The following AUTS2 variants were observed in gnomAD, a reference collection of about 807,000 sequenced individuals.
The protein encoded by AUTS2 is activator of transcription and developmental regulator AUTS2.
Under a neutral mutation model 112.4 loss-of-function variants are expected in AUTS2, and 17 were observed. That is an observed-to-expected ratio of 0.15 (90% confidence interval 0.10 to 0.23). The LOEUF (loss-of-function observed/expected upper bound fraction) is 0.23, where lower values mean the gene tolerates loss of function less well. AUTS2 is among the 10% of genes least tolerant of loss of function. The probability of loss-of-function intolerance (pLI) is 1.00; values close to 1 mark genes in which losing one functional copy is unlikely to be tolerated. For synonymous variants in AUTS2, 751 were observed against 702.7 expected (o/e 1.07, Z -1.09); for missense variants, 1,510 against 1,701.6 (o/e 0.89, Z 1.98).
chr7:69,848,791 A>G (rs542495079), intron 1 of AUTS2, among the ~76,000 whole-genome samples: 2 of 152,286 alleles, frequency 1.3e-5, no homozygotes, highest in South Asian at 4.1e-4. Flanking sequence ...ATCCAGCACA[A>G]CATTCAATTG....
Position 70,034,136 on chromosome 7 carries a change from A to G in AUTS2, c.523-83996A>G, listed in dbSNP as rs147657169. The stretch of plus-strand genomic sequence containing the variant: ...TTTTTAAAAGATGGAAGACAAAAGT[A>G]AAAGATAAATGTAGATATTCTTTTA... On this transcript the variant is annotated intron_variant, in intron 2 of 18. Coordinates refer to ENST00000342771, the MANE Select transcript of AUTS2 (RefSeq NM_015570.4). Among the ~76,000 whole-genome samples the G allele has an allele frequency of 6.5e-4, 99 of 152,326 alleles. 1 individual carries two copies. In the East Asian group the frequency reaches 0.019, roughly 29 times the overall value.
intron 2 of AUTS2, among the ~76,000 whole-genome samples, chr7:69,981,418 A>G (rs1356103847): frequency 1.3e-5 from 2 of 152,192 alleles, no homozygotes; most frequent in Non-Finnish European, 2.9e-5. Context: ...TTATAAGTGA[A>G]TATGTAACTG....
intron 1 of AUTS2, among the ~76,000 whole-genome samples, chr7:69,681,195 A>T (rs1562806579): frequency 6.6e-6 from 1 of 152,220 alleles, no homozygotes; most frequent in Non-Finnish European, 1.5e-5. Context: ...GGCTATTGTG[A>T]ATTAGTGCTT....
In AUTS2 at chr7:70,675,103, C is replaced by G. The variant is rs558766923; in HGVS notation, c.691-23466C>G. Among the ~76,000 whole-genome samples the G allele has an allele frequency of 7.2e-4, 110 of 152,272 alleles. 1 individual carries two copies. The highest frequency in any genetic ancestry group is 2.2e-3 in the African/African-American group (90 of 41,556). On this transcript the variant is annotated intron_variant, in intron 5 of 18. Coordinates refer to ENST00000342771, the MANE Select transcript of AUTS2 (RefSeq NM_015570.4). Reference sequence around the variant, plus strand: ...AGTATTTCAAATTAATCCTCCCCCCCCTCAACTCCCTACCTCCAATCGTAG... The same window carrying G: ...AGTATTTCAAATTAATCCTCCCCCCGCTCAACTCCCTACCTCCAATCGTAG...
chr7:70,592,582 G>A (rs945983493), intron 5 of AUTS2, among the ~76,000 whole-genome samples: 1 of 151,896 alleles, frequency 6.6e-6, no homozygotes, highest in Non-Finnish European at 1.5e-5. Flanking sequence ...AGCTGGTCTC[G>A]AACTCCTGAC....
intron 5 of AUTS2, among the ~76,000 whole-genome samples, chr7:70,493,497 C>A (rs913299369): frequency 4.7e-4 from 72 of 152,024 alleles, no homozygotes; most frequent in Non-Finnish European, 1.5e-4. Flanking sequence ...CTGCTATATT[C>A]TATTCTGGCC....
intron 5 of AUTS2, among the ~76,000 whole-genome samples, chr7:70,506,777 T>C (rs1798980540): frequency 6.6e-6 from 1 of 152,206 alleles, no homozygotes; most frequent in Non-Finnish European, 1.5e-5. Context: ...GGCTCTGTTG[T>C]TTATTTCGGG....
At chr7:70,511,398 A>ATT (rs55716420) in intron 5 of AUTS2, among the ~76,000 whole-genome samples, 142 of 148,546 alleles carry the variant, frequency 9.6e-4, no homozygotes, top group African/African-American at 3.4e-3. Context: ...TACCTCTCTT[A>ATT]TTTTTTTTTT....
intron 4 of AUTS2, among the ~76,000 whole-genome samples, chr7:70,422,795 C>G (rs1230756568): frequency 6.6e-6 from 1 of 151,942 alleles, no homozygotes; most frequent in Non-Finnish European, 1.5e-5. Flanking sequence ...AAAATTATAC[C>G]CATCTTTTTC....
chr7:69,857,387 G>T (rs891235748), intron 1 of AUTS2, among the ~76,000 whole-genome samples: 1 of 152,176 alleles, frequency 6.6e-6, no homozygotes, highest in African/African-American at 2.4e-5. Flanking sequence ...ACAAGGAGCC[G>T]TCTTTGCTGT....
At chr7:70,669,678 T>C (rs1807535631) in intron 5 of AUTS2, among the ~76,000 whole-genome samples, 1 of 152,228 alleles carries the variant, frequency 6.6e-6, no homozygotes, top group African/African-American at 2.4e-5. Flanking sequence ...AAAGTCACAA[T>C]CAGAGTTAGT....
intron 2 of AUTS2, among the ~76,000 whole-genome samples, chr7:69,988,705 G>A (rs938719474): frequency 1.3e-5 from 2 of 152,194 alleles, no homozygotes; most frequent in African/African-American, 4.8e-5. Context: ...TCACTTTGCA[G>A]GATTTCAGGG....
intron 2 of AUTS2, among the ~76,000 whole-genome samples, chr7:69,912,392 G>T (rs940706567): frequency 1.3e-5 from 2 of 152,150 alleles, no homozygotes; most frequent in African/African-American, 4.8e-5. Flanking sequence ...TCAGTGGAGG[G>T]TGGGGCTCCT....
intron 4 of AUTS2, among the ~76,000 whole-genome samples, chr7:70,342,119 A>G (rs1287633032): frequency 2.0e-5 from 3 of 152,104 alleles, no homozygotes; most frequent in Non-Finnish European, 4.4e-5. Flanking sequence ...CTGTGTGTTC[A>G]GGGCTTTGCC....
Position 70,605,457 on chromosome 7 carries a change from A to G in AUTS2, c.691-93112A>G, listed in dbSNP as rs143704282. Reference sequence around the variant, plus strand: ...CCGTTTGAATCAACTCACGTTTACTACCAGGTACTCCTGGTACTAAATACT... The same window carrying G: ...CCGTTTGAATCAACTCACGTTTACTGCCAGGTACTCCTGGTACTAAATACT... On this transcript the variant is annotated intron_variant, in intron 5 of 18. Transcript: ENST00000342771. Among the ~76,000 whole-genome samples the G allele has an allele frequency of 5.3e-3, 796 of 151,280 alleles. 5 individuals carry two copies. Among genetic ancestry groups the G allele is most frequent in the African/African-American group, 0.018 (748 of 41,084 alleles).
intron 1 of AUTS2, among the ~76,000 whole-genome samples, chr7:69,850,221 C>T (rs935831094): frequency 6.6e-6 from 1 of 151,386 alleles, no homozygotes; most frequent in African/African-American, 2.4e-5. Context: ...ATAGCTTGAA[C>T]CCAGGAGGCA....
intron 2 of AUTS2, among the ~76,000 whole-genome samples, chr7:70,050,591 A>G (rs1267053956): frequency 6.6e-6 from 1 of 152,086 alleles, no homozygotes; most frequent in Non-Finnish European, 1.5e-5. Flanking sequence ...GGATTTAGGC[A>G]TATGGATATT....
chr7:70,612,770 G>A (rs889760234), intron 5 of AUTS2, among the ~76,000 whole-genome samples: 2 of 151,678 alleles, frequency 1.3e-5, no homozygotes, highest in African/African-American at 4.8e-5. Flanking sequence ...AAGTGGGTTA[G>A]GATTTATTTC....
intron 1 of AUTS2, among the ~76,000 whole-genome samples, chr7:69,745,287 G>A (rs1354679443): frequency 6.6e-6 from 1 of 152,162 alleles, no homozygotes; most frequent in African/African-American, 2.4e-5. Context: ...GTACTTCGGG[G>A]GATGTAGGGC....
Sources: gnomAD v4.1 joint callset for allele counts (sites outside exome capture counted in the v4.1 genomes callset) on GRCh38, gnomAD v4.1.1 for gene constraint, MANE v1.5 for transcripts, NCBI Gene and HGNC (gene_info 2026-07-23, HGNC 2026-07-21) for gene names.